MAN2A1: variants seen among roughly 807,000 people sequenced by gnomAD.
MAN2A1 encodes the protein alpha-mannosidase 2.
Under a neutral mutation model 142.6 loss-of-function variants are expected in MAN2A1, and 76 were observed. The ratio of observed to expected loss-of-function variants is 0.53; its 90% CI spans 0.44 to 0.65. The LOEUF (loss-of-function observed/expected upper bound fraction) is 0.65, where lower values mean the gene tolerates loss of function less well. Among genes scored for constraint, MAN2A1 ranks in the 30% least tolerant of loss-of-function variants. MAN2A1 has a pLI of 0.00. For synonymous variants in MAN2A1, 559 were observed against 473.2 expected (o/e 1.18, Z -2.35); for missense variants, 1,311 against 1,365.1 (o/e 0.96, Z 0.62).
At chr5:109,739,444 A>G (rs11959189) in intron 4 of MAN2A1, among the ~76,000 whole-genome samples, 66,636 of 151,804 alleles carry the variant, frequency 0.44, 15,662 homozygotes, top group African/African-American at 0.61. Context: ...TTTCATATGC[A>G]TTTTTAATTT....
At chr5:109,828,496 G>T (rs1754818973) in intron 16 of MAN2A1, among the ~76,000 whole-genome samples, 1 of 152,160 alleles carries the variant, frequency 6.6e-6, no homozygotes, top group African/African-American at 2.4e-5. Context: ...GTTAACTGTG[G>T]CCTTATTTGT....
At position 109,866,926 on chromosome 5, in the gene MAN2A1, C is replaced by T. The variant is rs765752837; in HGVS notation, c.3363C>T (p.Pro1121=). 1.4e-5 allele frequency: 23 copies of T among 1,612,540 alleles called. No homozygotes were observed. The highest frequency in any genetic ancestry group is 6.7e-5 in the African/African-American group (5 of 74,838). The change falls in exon 22 of 22, where the codon CCC becomes CCT. Residue 1121 remains proline, a synonymous_variant. Coordinates refer to ENST00000261483, the MANE Select transcript of MAN2A1 (RefSeq NM_002372.4). ...PSSLSLMHSP[P]GTQNISEINL... ...CACTATCCTTGATGCATTCACCTCC[C>T]GGCACTCAGAATATAAGTGAGATCA...
In MAN2A1 at chr5:109,725,525, G is replaced by T. The variant is rs188936141; in HGVS notation, c.536-3817G>T. 4.1e-3 allele frequency among the ~76,000 whole-genome samples: 619 copies of T among 152,306 alleles called. 6 individuals carry two copies. Among genetic ancestry groups the T allele is most frequent in the African/African-American group, 0.012 (508 of 41,566 alleles). ...AATCCCAGTAGGCTTCCAGTCTGGGGCTGTTTAGACAGATTTCTGGACCCT... is the reference window on the plus strand; with the variant it reads ...AATCCCAGTAGGCTTCCAGTCTGGGTCTGTTTAGACAGATTTCTGGACCCT... On this transcript the variant is annotated intron_variant, in intron 3 of 21. Transcript: ENST00000261483.
At chr5:109,712,490 TG>T (rs1751329381) in intron 1 of MAN2A1, among the ~76,000 whole-genome samples, 2 of 152,220 alleles carry the variant, frequency 1.3e-5, no homozygotes, top group African/African-American at 4.8e-5. Context: ...CCCCTACTTT[TG>T]GGCGTTTGGA....
At chr5:109,764,818 A>G (rs1015029406) in intron 5 of MAN2A1, among the ~76,000 whole-genome samples, 3 of 152,072 alleles carry the variant, frequency 2.0e-5, no homozygotes, top group Admixed American at 2.0e-4. Context: ...TGTCCTTGTT[A>G]TTTGGACAAT....
chr5:109,690,364 G>T lies in MAN2A1; in HGVS notation c.-54G>T. The T allele has an allele frequency of 1.2e-6, 2 of 1,605,292 alleles. No homozygotes were observed. Among genetic ancestry groups the T allele is most frequent in the Non-Finnish European group, 1.7e-6 (2 of 1,172,176 alleles). On this transcript the variant is annotated 5_prime_UTR_variant, in exon 1 of 22. Coordinates refer to ENST00000261483, the MANE Select transcript of MAN2A1 (RefSeq NM_002372.4). ...GCGGCTGCTTCCTAGAGTCCACAGT[G>T]CGCTGTCTCCTTTGGCTGAGGAGAG...
intron 4 of MAN2A1, among the ~76,000 whole-genome samples, chr5:109,734,982 C>A (rs896486162): frequency 6.6e-6 from 1 of 152,150 alleles, no homozygotes; most frequent in African/African-American, 2.4e-5. Context: ...GTTAAAGTCT[C>A]CCATTATTAT....
intron 9 of MAN2A1, among the ~76,000 whole-genome samples, chr5:109,783,398 G>T (rs1421259330): frequency 6.6e-6 from 1 of 151,986 alleles, no homozygotes; most frequent in Non-Finnish European, 1.5e-5. Context: ...AACATTTTAG[G>T]GTGTCTGGAT....
intron 2 of MAN2A1, among the ~76,000 whole-genome samples, chr5:109,715,596 C>T (rs1051199727): frequency 2.0e-5 from 3 of 152,002 alleles, no homozygotes; most frequent in Non-Finnish European, 4.4e-5. Context: ...TGTAGTTTTA[C>T]TTCTAGGATA....
At chr5:109,806,908 TCTC>T (rs1183649511) in intron 12 of MAN2A1, among the ~76,000 whole-genome samples, 1 of 152,196 alleles carries the variant, frequency 6.6e-6, no homozygotes, top group Non-Finnish European at 1.5e-5. Flanking sequence ...AAGAATGATT[TCTC>T]CTAAATATAG....
At chr5:109,763,460 A>T (rs59909009) in intron 5 of MAN2A1, among the ~76,000 whole-genome samples, 26,564 of 151,564 alleles carry the variant, frequency 0.18, 3,280 homozygotes, top group East Asian at 0.64. Context: ...CATCTTATGA[A>T]TTAGTGTCCT....
In MAN2A1 at chr5:109,859,943, G is replaced by T. The variant is rs1400144977; in HGVS notation, c.3171+4609G>T. ...AGACATATTTATTTTATATAAACAT[G>T]ATATATATATATATCTTAACTCTTT... is the stretch of plus-strand genomic sequence containing the variant. On this transcript the variant is annotated intron_variant, in intron 20 of 21. Coordinates refer to ENST00000261483, the MANE Select transcript of MAN2A1 (RefSeq NM_002372.4). Among the ~76,000 whole-genome samples the T allele has an allele frequency of 2.8e-5, 4 of 144,430 alleles. No homozygotes were observed. In the Admixed American group the frequency reaches 2.8e-4, roughly 10 times the overall value. The allele number at this position is 144,430 out of a possible 152,430, so 94.8% of individuals were successfully genotyped here.
intron 16 of MAN2A1, chr5:109,840,492 T>G (rs1017695361): frequency 4.1e-6 from 2 of 486,964 alleles, no homozygotes; most frequent in Non-Finnish European, 4.1e-6. Flanking sequence ...TCCAATTGGC[T>G]TGGTGGAATA....
At chr5:109,691,707 G>A (rs149794728) in intron 1 of MAN2A1, among the ~76,000 whole-genome samples, 38 of 152,270 alleles carry the variant, frequency 2.5e-4, no homozygotes, top group Admixed American at 7.2e-4. Context: ...TCAATACAGA[G>A]CACTCAACAT....
intron 20 of MAN2A1, 120 bp from the exon 21 acceptor site, chr5:109,864,916 C>T (rs1755840789): frequency 1.4e-6 from 1 of 714,748 alleles, no homozygotes; most frequent in Non-Finnish European, 2.5e-6. Context: ...ATGAATTTGC[C>T]TAACTTTCTT....
At chr5:109,833,531 G>A (rs1357800062) in intron 16 of MAN2A1, among the ~76,000 whole-genome samples, 5 of 152,142 alleles carry the variant, frequency 3.3e-5, no homozygotes, top group African/African-American at 9.7e-5. Flanking sequence ...CCAGTCAGGC[G>A]TGGAGGCGTG....
chr5:109,855,360 A>T (rs770551380), intron 20 of MAN2A1, 26 bp downstream of exon 20: 1 of 1,406,696 alleles, frequency 7.1e-7, no homozygotes, highest in East Asian at 2.7e-5. Flanking sequence ...TATCTTATAA[A>T]AAATTACTGT....
intron 19 of MAN2A1, among the ~76,000 whole-genome samples, chr5:109,850,086 C>T (rs138870012): frequency 3.4e-4 from 52 of 152,296 alleles, no homozygotes; most frequent in Admixed American, 7.2e-4. Context: ...ATCTCACCTT[C>T]CTGCAAGTGT....
At chr5:109,833,107 C>T (rs553697560) in intron 16 of MAN2A1, among the ~76,000 whole-genome samples, 52 of 145,848 alleles carry the variant, frequency 3.6e-4, no homozygotes, top group African/African-American at 1.3e-3. Flanking sequence ...ATATCTCAGA[C>T]GATGGGTGGC....
Sources: allele counts gnomAD v4.1 joint callset (sites outside exome capture counted in the v4.1 genomes callset), GRCh38; gene constraint gnomAD v4.1.1; transcripts MANE v1.5; gene names NCBI Gene and HGNC (gene_info 2026-07-23, HGNC 2026-07-21).